The following MAP2 variants were observed in gnomAD, a reference collection of about 807,000 sequenced individuals.
The protein encoded by MAP2 is microtubule associated protein 2.
Under a neutral mutation model 137.6 loss-of-function variants are expected in MAP2, and 14 were observed. The ratio of observed to expected loss-of-function variants is 0.10; its 90% CI spans 0.07 to 0.16. MAP2 has a LOEUF of 0.16. Ranked by LOEUF, MAP2 falls within the 10% of genes least tolerant of loss-of-function variation. MAP2 has a pLI of 1.00. For missense variants in MAP2, 2,088 were observed against 2,191.5 expected (o/e 0.95, Z 0.94); for synonymous variants, 786 against 782.3 (o/e 1.00, Z -0.08).
intron 5 of MAP2, among the ~76,000 whole-genome samples, chr2:209,663,652 G>A (rs532413790): frequency 5.3e-5 from 8 of 152,260 alleles, no homozygotes; most frequent in South Asian, 2.1e-4. Context: ...AGATAAGAAA[G>A]GAGGAATCAA....
At chr2:209,538,239 C>G (rs985432366) in intron 2 of MAP2, among the ~76,000 whole-genome samples, 1 of 152,068 alleles carries the variant, frequency 6.6e-6, no homozygotes, top group Admixed American at 6.6e-5. Context: ...AATAAATGAA[C>G]TGGAACTTGA....
In MAP2 at chr2:209,732,957, T is replaced by C. The variant is rs1038845334; in HGVS notation, c.*2560T>C. 1 of 152,610 alleles carries C rather than the reference T, an allele frequency of 6.6e-6. No homozygotes were observed. Among genetic ancestry groups the C allele is most frequent in the Non-Finnish European group, 1.5e-5 (1 of 68,018 alleles). The allele number at this position is 152,610 out of a possible 1,614,324, so 9.5% of individuals were successfully genotyped here. A position where few individuals can be genotyped will look rare whatever the true frequency, so the allele number is the denominator to read the frequency against. On this transcript the variant is annotated 3_prime_UTR_variant, in exon 16 of 16. Coordinates refer to ENST00000682079, the MANE Select transcript of MAP2 (RefSeq NM_001375505.1). ...GAAACACACAGGTTAAATATCTTCT[T>C]GTGGGGTTAAGGGGTAGAACCTATC...
chr2:209,486,046 A>T (rs1180867701), intron 1 of MAP2, among the ~76,000 whole-genome samples: 2 of 152,030 alleles, frequency 1.3e-5, no homozygotes, highest in Non-Finnish European at 2.9e-5. Flanking sequence ...TCATTCTCTT[A>T]AGTATTTGTG....
chr2:209,715,870 T>C (rs554074725), intron 13 of MAP2, among the ~76,000 whole-genome samples: 16 of 152,186 alleles, frequency 1.1e-4, no homozygotes, highest in Non-Finnish European at 2.4e-4. Flanking sequence ...TATTATTACA[T>C]CTATTCAAAT....
At chr2:209,710,335 A>G in intron 13 of MAP2, 81 bp downstream of exon 13, 1 of 1,231,576 alleles carries the variant, frequency 8.1e-7, no homozygotes. Flanking sequence ...AACAGTTCTT[A>G]AAAGGGAAGC....
intron 1 of MAP2, among the ~76,000 whole-genome samples, chr2:209,463,861 C>T (rs1270224332): frequency 6.6e-6 from 1 of 152,080 alleles, no homozygotes; most frequent in Non-Finnish European, 1.5e-5. Flanking sequence ...AAAGGAGAGA[C>T]TGTAGATTCA....
intron 2 of MAP2, among the ~76,000 whole-genome samples, chr2:209,545,664 TTGC>T (rs1235177634): frequency 6.6e-6 from 1 of 152,196 alleles, no homozygotes; most frequent in Non-Finnish European, 1.5e-5. Context: ...TAGCACAAAA[TTGC>T]TGCAGTATTT....
intron 5 of MAP2, among the ~76,000 whole-genome samples, chr2:209,656,882 T>G (rs2095182660): frequency 6.6e-6 from 1 of 152,212 alleles, no homozygotes; most frequent in Admixed American, 6.5e-5. Context: ...ACCTGAATAG[T>G]GAACATTGTA....
chr2:209,522,820 C>A lies in MAP2; in HGVS notation c.-172+15179C>A, dbSNP rs957727702. 8.1e-4 allele frequency among the ~76,000 whole-genome samples: 123 copies of A among 151,688 alleles called. 1 individual carries two copies. Among genetic ancestry groups the A allele is most frequent in the Non-Finnish European group, 1.3e-4 (9 of 67,860 alleles). ...CAAAACGGTTGCATTCAAACTGTTA[C>A]AACTTACATAGAAAACCCAGAGCAC... On this transcript the variant is annotated intron_variant, in intron 2 of 15. Coordinates refer to ENST00000682079, the MANE Select transcript of MAP2 (RefSeq NM_001375505.1).
chr2:209,717,348 C>T (rs988306491), intron 13 of MAP2, among the ~76,000 whole-genome samples: 7 of 152,120 alleles, frequency 4.6e-5, no homozygotes, highest in African/African-American at 1.7e-4. Context: ...CTCATGAGAA[C>T]TCACCGTCTT....
chr2:209,455,093 C>T (rs1227923120), intron 1 of MAP2, among the ~76,000 whole-genome samples: 1 of 152,148 alleles, frequency 6.6e-6, no homozygotes, highest in African/African-American at 2.4e-5. Context: ...CCTGATTAAC[C>T]TCATCTAAAC....
intron 4 of MAP2, among the ~76,000 whole-genome samples, chr2:209,630,424 G>C (rs1232238217): frequency 5.9e-5 from 9 of 152,162 alleles, no homozygotes; most frequent in Admixed American, 5.9e-4. Flanking sequence ...ATGAATGCCA[G>C]CTTCAAGCAG....
chr2:209,694,421 C>A lies in MAP2; in HGVS notation c.2251C>A (p.Pro751Thr), dbSNP rs2059680988. The A allele has an allele frequency of 6.2e-7, 1 of 1,613,914 alleles. No homozygotes were observed. The highest frequency in any genetic ancestry group is 8.5e-7 in the Non-Finnish European group (1 of 1,179,996). ...EGDDYLPATT[P>T]ALEKAPCFPV... Reference sequence around the variant, plus strand: ...GGATGATTACCTTCCAGCCACCACACCTGCACTGGAGAAAGCCCCTTGCTT... The same window carrying A: ...GGATGATTACCTTCCAGCCACCACAACTGCACTGGAGAAAGCCCCTTGCTT... Residue 751 changes from proline to threonine, a missense_variant, in exon 8 of 16, where the codon CCT becomes ACT. Around this residue, in one of 6 missense-constraint regions of MAP2, gnomAD observed 500 missense variants for 482.9 expected, o/e 1.04. Coordinates refer to ENST00000682079, the MANE Select transcript of MAP2 (RefSeq NM_001375505.1).
chr2:209,580,135 GA>G (rs1409353514), intron 3 of MAP2, 35 bp downstream of exon 3: 1 of 151,934 alleles, frequency 6.6e-6, no homozygotes, highest in African/African-American at 2.4e-5. Flanking sequence ...TTTAATGAGG[GA>G]AAATCAGGGG....
At chr2:209,571,870 T>C (rs1201323267) in intron 2 of MAP2, among the ~76,000 whole-genome samples, 1 of 152,006 alleles carries the variant, frequency 6.6e-6, no homozygotes, top group African/African-American at 2.4e-5. Context: ...ATAACCTGTC[T>C]TTCTTTCTCT....
intron 4 of MAP2, among the ~76,000 whole-genome samples, chr2:209,633,706 G>A (rs2093313639): frequency 6.6e-6 from 1 of 152,014 alleles, no homozygotes; most frequent in African/African-American, 2.4e-5. Context: ...AAGAAAAGGA[G>A]GAAGAATGAG....
chr2:209,723,749 A>G, intron 13 of MAP2: 1 of 1,113,242 alleles, frequency 9.0e-7, no homozygotes, highest in Non-Finnish European at 1.4e-6. Flanking sequence ...CACAGCCAGC[A>G]CCCTGCCTTC....
intron 2 of MAP2, among the ~76,000 whole-genome samples, chr2:209,543,339 C>T (rs2067389716): frequency 6.6e-6 from 1 of 152,212 alleles, no homozygotes; most frequent in Admixed American, 6.5e-5. Flanking sequence ...ATTGCCATAA[C>T]AGATATAAAA....
chr2:209,499,232 A>G (rs1223870365), intron 1 of MAP2, among the ~76,000 whole-genome samples: 1 of 152,140 alleles, frequency 6.6e-6, no homozygotes. Context: ...TCAAACTTCC[A>G]AAGACCCCTA....
Sources: gnomAD v4.1 joint callset for allele counts (sites outside exome capture counted in the v4.1 genomes callset) on GRCh38, gnomAD v4.1.1 for gene constraint, gnomAD v4.1.1 regional missense constraint, MANE v1.5 for transcripts, NCBI Gene and HGNC (gene_info 2026-07-23, HGNC 2026-07-21) for gene names.